The following MMRN1 variants were observed in gnomAD, a reference collection of about 807,000 sequenced individuals.
MMRN1 encodes multimerin-1.
In MMRN1, 94 loss-of-function variants were observed where a neutral mutation model predicts 100.7. That is an observed-to-expected ratio of 0.93 (90% CI 0.79 to 1.11). The LOEUF is 1.11. Ranked by LOEUF, MMRN1 falls within the 50% of genes least tolerant of loss-of-function variation. The pLI, the probability that MMRN1 is intolerant of heterozygous loss-of-function variation, is 0.00. For missense variants in MMRN1, 1,606 were observed against 1,439.1 expected, an observed-to-expected ratio of 1.12 and a Z score of -1.88; for synonymous variants, 575 against 505.0, an observed-to-expected ratio of 1.14 and a Z score of -1.86.
intron 6 of MMRN1, 93 bp downstream of exon 6, chr4:89,936,891 A>C (rs1200812531): frequency 8.6e-7 from 1 of 1,163,532 alleles, no homozygotes; most frequent in African/African-American, 1.6e-5. Context: ...ATTAAACATA[A>C]AACTACATAC....
At chr4:89,889,733 C>T (rs74315652) in intron 1 of MMRN1, among the ~76,000 whole-genome samples, 55 of 152,218 alleles carry the variant, frequency 3.6e-4, no homozygotes, top group African/African-American at 1.3e-3. Flanking sequence ...CATGTGTTCA[C>T]CCATTCTTAT....
At position 89,935,304 on chromosome 4, in the gene MMRN1, G is replaced by A; in HGVS notation, c.1624G>A (p.Val542Ile). ...AGCTGCTGAGTCAGTTAGCAATAAT[G>A]TCACTGAGTACATGTCTACTTTACA... ...APAAESVSNN[V>I]TEYMSTLHEN... Residue 542 changes from valine (V) to isoleucine (I), a missense_variant, in exon 6 of 8, where the codon GTC becomes ATC. Physicochemically the swap from Val to Ile is conservative, Grantham distance 29. Transcript: ENST00000264790. The A allele has an allele frequency of 1.2e-6, 2 of 1,613,726 alleles. No individual in the cohort carries two copies. The highest frequency in any genetic ancestry group is 1.7e-6 in the Non-Finnish European group (2 of 1,179,790).
chr4:89,896,060 G>T (rs907449714), intron 1 of MMRN1, among the ~76,000 whole-genome samples: 1 of 152,168 alleles, frequency 6.6e-6, no homozygotes, highest in South Asian at 2.1e-4. Context: ...CACCAGGGGT[G>T]CAATCCTGGC....
intron 2 of MMRN1, among the ~76,000 whole-genome samples, 195 bp downstream of exon 2, chr4:89,909,590 G>A (rs1055857888): frequency 1.3e-5 from 2 of 151,446 alleles, no homozygotes; most frequent in Non-Finnish European, 3.0e-5. Flanking sequence ...AATCATTTGA[G>A]ATAATGCAAT....
rs1721669585 is a variant in MMRN1 at position 89,909,348 on chromosome 4, A to C, written c.696A>C (p.Pro232=). The C allele has an allele frequency of 5.6e-6, 9 of 1,610,112 alleles. No individual in the cohort carries two copies. Among genetic ancestry groups the C allele is most frequent in the Non-Finnish European group, 7.6e-6 (9 of 1,177,546 alleles). Reference sequence around the variant, plus strand: ...TGGACAACCAGGTCACTTATGTCCCAGGTGGGAAAGGACCTTGTGGCTGGA... The same window carrying C: ...TGGACAACCAGGTCACTTATGTCCCCGGTGGGAAAGGACCTTGTGGCTGGA... The part of the protein sequence containing the change: ...VILDNQVTYV[P]GGKGPCGWTG... The change falls in exon 2 of 8, where the codon CCA becomes CCC. Residue 232 remains proline (P), a synonymous_variant. Transcript: ENST00000264790.
rs767584390 is a variant in MMRN1, at chr4:89,895,474, T to C, written c.503T>C (p.Val168Ala). The C allele has an allele frequency of 4.5e-5, 73 of 1,613,652 alleles. No homozygotes were observed. Among genetic ancestry groups the C allele is most frequent in the Non-Finnish European group, 5.8e-5 (68 of 1,179,906 alleles). Reference protein sequence around the residue: ...TVGGTGGIGGVGGTGGVGNRA... With the variant: ...TVGGTGGIGGAGGTGGVGNRA... ...GGAGGCACTGGAGGCATTGGAGGCGTTGGAGGCACTGGAGGCGTGGGAAAT... is the reference window on the plus strand; with the variant it reads ...GGAGGCACTGGAGGCATTGGAGGCGCTGGAGGCACTGGAGGCGTGGGAAAT... Residue 168 changes from valine (V) to alanine (A), a missense_variant, in exon 1 of 8, where the codon GTT (valine) becomes GCT (alanine). Physicochemically the swap from Val to Ala is moderately conservative, Grantham distance 64 (BLOSUM62 0). Coordinates refer to ENST00000264790, the MANE Select transcript of MMRN1 (RefSeq NM_007351.3).
In MMRN1 at chr4:89,934,977, T is replaced by C. The variant is rs1722558454; in HGVS notation, c.1297T>C (p.Ser433Pro). 2 of 1,613,476 alleles carry C rather than the reference T, an allele frequency of 1.2e-6. No homozygotes were observed. Among genetic ancestry groups the C allele is most frequent in the Non-Finnish European group, 1.7e-6 (2 of 1,179,692 alleles). The stretch of plus-strand genomic sequence containing the variant: ...GCAAATAATTCAAAAAGTTAATGAA[T>C]CTGTGGTTTCAATAGCAGCCCAGCA... ...TRQIIQKVNESVVSIAAQQKF... is the reference protein window; with the variant it reads ...TRQIIQKVNEPVVSIAAQQKF... Residue 433 changes from serine (S) to proline (P), a missense_variant, in exon 6 of 8, where the codon TCT (serine) becomes CCT (proline). Ser to Pro is a moderately conservative substitution (Grantham distance 74). Coordinates refer to ENST00000264790, the MANE Select transcript of MMRN1 (RefSeq NM_007351.3).
At chr4:89,940,535 G>A (rs530116534) in intron 6 of MMRN1, among the ~76,000 whole-genome samples, 1 of 152,110 alleles carries the variant, frequency 6.6e-6, no homozygotes, top group East Asian at 1.9e-4. Context: ...TAAATTTTGT[G>A]ACTCTGCATA....
intron 4 of MMRN1, among the ~76,000 whole-genome samples, chr4:89,927,513 G>A: frequency 6.6e-6 from 1 of 151,960 alleles, no homozygotes; most frequent in East Asian, 1.9e-4. Flanking sequence ...TAGTTTTTTG[G>A]TGGAGTCTTC....
chr4:89,936,260 T>A lies in MMRN1; in HGVS notation c.2580T>A (p.Thr860=), dbSNP rs753081031. Residue 860 remains threonine (T), a synonymous_variant, in exon 6 of 8, where the codon ACT becomes ACA. Coordinates refer to ENST00000264790, the MANE Select transcript of MMRN1 (RefSeq NM_007351.3). The part of the protein sequence containing the change: ...LTTKISKNFE[T]RLQDIESKVT... Reference sequence around the variant, plus strand: ...CCAAGATTTCCAAAAATTTTGAGACTCGGTTGCAAGACATTGAGTCTAAAG... The same window carrying A: ...CCAAGATTTCCAAAAATTTTGAGACACGGTTGCAAGACATTGAGTCTAAAG... 1 of 1,604,346 alleles carries A rather than the reference T, an allele frequency of 6.2e-7. No homozygotes were observed. Among genetic ancestry groups the A allele is most frequent in the South Asian group, 1.1e-5 (1 of 88,324 alleles).
At chr4:89,896,991 C>T (rs961855502) in intron 1 of MMRN1, among the ~76,000 whole-genome samples, 22 of 152,064 alleles carry the variant, frequency 1.4e-4, no homozygotes, top group Admixed American at 1.0e-3. Flanking sequence ...ATTTAACAGA[C>T]ATGCATTAAT....
At chr4:89,900,802 T>C (rs1371073690) in intron 1 of MMRN1, among the ~76,000 whole-genome samples, 2 of 151,928 alleles carry the variant, frequency 1.3e-5, no homozygotes, top group East Asian at 1.9e-4. Flanking sequence ...TATTAAGTCA[T>C]GAATGTGGAT....
At position 89,935,632 on chromosome 4, in the gene MMRN1, C is replaced by T. The variant is rs200526047; in HGVS notation, c.1952C>T (p.Pro651Leu). 3.0e-5 allele frequency: 49 copies of T among 1,613,276 alleles called. No homozygotes were observed. Among genetic ancestry groups the T allele is most frequent in the Non-Finnish European group, 4.2e-5 (49 of 1,179,714 alleles). The change falls in exon 6 of 8, where the codon CCC (proline) becomes CTC (leucine). Residue 651 changes from proline (P) to leucine (L), a missense_variant. Coordinates refer to ENST00000264790, the MANE Select transcript of MMRN1 (RefSeq NM_007351.3). ...ACTTATGATATGGAGATCCTTCAACCCTTGCTTGAGCAGGGAGCATCACTC... is the reference window on the plus strand; with the variant it reads ...ACTTATGATATGGAGATCCTTCAACTCTTGCTTGAGCAGGGAGCATCACTC... Reference protein sequence around the residue: ...DLTYDMEILQPLLEQGASLRQ... With the variant: ...DLTYDMEILQLLLEQGASLRQ...
At chr4:89,899,143 A>G (rs771987559) in intron 1 of MMRN1, among the ~76,000 whole-genome samples, 3 of 151,958 alleles carry the variant, frequency 2.0e-5, no homozygotes, top group Non-Finnish European at 4.4e-5. Context: ...TATGTTTATT[A>G]CAGGTTCTTT....
rs1722591929 is a variant in MMRN1 at position 89,935,539 on chromosome 4, C to T, written c.1859C>T (p.Thr620Ile). ...GAGAATTTACATGTGTTAAATCAAA[C>T]ATTGGCTGAAGTTCTCTTTCCAATG... ...TEENLHVLNQTLAEVLFPMDN... is the reference protein window; with the variant it reads ...TEENLHVLNQILAEVLFPMDN... Residue 620 changes from threonine to isoleucine, a missense_variant, in exon 6 of 8, where the codon ACA becomes ATA. Coordinates refer to ENST00000264790, the MANE Select transcript of MMRN1 (RefSeq NM_007351.3). The T allele has an allele frequency of 2.5e-6, 4 of 1,613,054 alleles. No homozygotes were observed. Among genetic ancestry groups the T allele is most frequent in the East Asian group, 4.5e-5 (2 of 44,832 alleles).
intron 6 of MMRN1, among the ~76,000 whole-genome samples, chr4:89,942,235 T>C (rs1243150143): frequency 6.6e-6 from 1 of 152,186 alleles, no homozygotes; most frequent in East Asian, 1.9e-4. Flanking sequence ...ACGATTTCTT[T>C]GACACCAAGG....
rs746797341 is a variant in MMRN1, at chr4:89,935,641, A to C, written c.1961A>C (p.Glu654Ala). The change falls in exon 6 of 8, where the codon GAG becomes GCG. Residue 654 changes from glutamate to alanine, a missense_variant. By Grantham distance (107) the Glu-to-Ala change is moderately radical. Transcript: ENST00000264790. The stretch of plus-strand genomic sequence containing the variant: ...ATGGAGATCCTTCAACCCTTGCTTG[A>C]GCAGGGAGCATCACTCAGACAGACA... ...YDMEILQPLL[E>A]QGASLRQTMT... is the part of the protein sequence containing the mutation. The C allele has an allele frequency of 6.2e-7, 1 of 1,613,508 alleles. No individual in the cohort carries two copies. The highest frequency in any genetic ancestry group is 8.5e-7 in the Non-Finnish European group (1 of 1,179,728).
upstream of MMRN1, among the ~76,000 whole-genome samples, chr4:89,890,864 C>T (rs183842859): frequency 7.2e-4 from 110 of 151,920 alleles, no homozygotes; most frequent in African/African-American, 2.4e-3. Flanking sequence ...AATATTAGGA[C>T]AAATATGTTG....
intron 1 of MMRN1, among the ~76,000 whole-genome samples, chr4:89,881,137 C>T (rs1720806033): frequency 6.6e-6 from 1 of 152,000 alleles, no homozygotes; most frequent in Non-Finnish European, 1.5e-5. Flanking sequence ...TTTAATTTAA[C>T]CAATGATAAC....
Sources: gnomAD v4.1 joint callset for allele counts (sites outside exome capture counted in the v4.1 genomes callset) on GRCh38, gnomAD v4.1.1 for gene constraint, MANE v1.5 for transcripts, NCBI Gene and HGNC (gene_info 2026-07-23, HGNC 2026-07-21) for gene names.